The following SP100 variants were observed in gnomAD, a reference collection of about 807,000 sequenced individuals.
The protein encoded by SP100 is SP100 nuclear body protein.
A neutral mutation model predicts 130.0 loss-of-function variants in SP100; 84 were observed. The ratio of observed to expected loss-of-function variants is 0.65; its 90% CI spans 0.54 to 0.77. SP100 has a LOEUF of 0.77. Ranked by LOEUF, SP100 falls within the 30% of genes least tolerant of loss-of-function variation. SP100 has a pLI of 0.00. For missense variants in SP100, 978 were observed against 1,052.2 expected (o/e 0.93, Z 0.97); for synonymous variants, 331 against 351.7 (o/e 0.94, Z 0.66).
At chr2:230,484,828 C>A (rs890971794) in intron 17 of SP100, among the ~76,000 whole-genome samples, 1 of 152,006 alleles carries the variant, frequency 6.6e-6, no homozygotes, top group Non-Finnish European at 1.5e-5. Flanking sequence ...ATACAATCTG[C>A]TTTACTTTTT....
intron 2 of SP100, among the ~76,000 whole-genome samples, chr2:230,421,001 T>C (rs748242416): frequency 1.1e-4 from 17 of 152,230 alleles, no homozygotes; most frequent in Non-Finnish European, 2.1e-4. Context: ...CTGTCCATTC[T>C]CATAATACAT....
In SP100 at chr2:230,467,181, G is replaced by A. The variant is rs1050224; in HGVS notation, c.1257G>A (p.Ser419=). The A allele has an allele frequency of 0.73, 1,184,913 of 1,612,966 alleles. 438,729 individuals carry two copies. Among genetic ancestry groups the A allele is most frequent in the South Asian group, 0.83 (75,572 of 91,078 alleles). The change falls in exon 13 of 29, where the codon TCG becomes TCA. Residue 419 remains serine, a synonymous_variant. Coordinates refer to ENST00000340126, the MANE Select transcript of SP100 (RefSeq NM_001080391.2). ...AGGAGGAGGCGCCCGCAGAAGCCTC[G>A]AGCGGGGCACTGAGAAGCAAGCATG... ...SSEEEAPAEA[S]SGALRSKHGE...
chr2:230,521,875 A>G (rs1274557083), intron 24 of SP100, among the ~76,000 whole-genome samples: 2 of 152,202 alleles, frequency 1.3e-5, no homozygotes, highest in African/African-American at 2.4e-5. Context: ...CCACATCTGC[A>G]TCTGGATAGA....
intron 4 of SP100, among the ~76,000 whole-genome samples, 182 bp downstream of exon 4, chr2:230,444,528 C>T (rs1025588632): frequency 6.6e-6 from 1 of 152,114 alleles, no homozygotes; most frequent in African/African-American, 2.4e-5. Flanking sequence ...AACAAGTACC[C>T]GGAGGTCTGC....
intron 24 of SP100, among the ~76,000 whole-genome samples, chr2:230,532,458 T>C (rs183074726): frequency 6.6e-6 from 1 of 152,150 alleles, no homozygotes; most frequent in East Asian, 1.9e-4. Flanking sequence ...ATTATACTAA[T>C]TGGGATTTCT....
chr2:230,510,535 A>G (rs1690505044), intron 23 of SP100: 1 of 98,162 alleles, frequency 1.0e-5, no homozygotes, highest in Non-Finnish European at 1.8e-5. Context: ...TTTTTTTTAC[A>G]GAGTCTAGCT....
chr2:230,428,748 T>C (rs1453450437), intron 2 of SP100, among the ~76,000 whole-genome samples: 1 of 152,002 alleles, frequency 6.6e-6, no homozygotes, highest in Non-Finnish European at 1.5e-5. Context: ...GGCCGAGAAG[T>C]GCTACACACT....
intron 16 of SP100, 45 bp downstream of exon 16, chr2:230,473,485 A>G: frequency 8.7e-7 from 1 of 1,147,072 alleles, no homozygotes; most frequent in Non-Finnish European, 1.3e-6. Context: ...CTCAGTGGAT[A>G]TCACAGACAC....
At chr2:230,448,151 T>C (rs544154315) in intron 5 of SP100, among the ~76,000 whole-genome samples, 60 of 152,214 alleles carry the variant, frequency 3.9e-4, no homozygotes, top group African/African-American at 1.4e-3. Context: ...CAAATTTAAA[T>C]GTGAGGATGT....
At chr2:230,506,665 G>T (rs1277882881) in intron 22 of SP100, 1 of 441,168 alleles carries the variant, frequency 2.3e-6, no homozygotes, top group Non-Finnish European at 4.0e-6. Flanking sequence ...CCTTTTGAAG[G>T]TTGGACAGTA....
chr2:230,434,636 G>C (rs1236509488), intron 2 of SP100, among the ~76,000 whole-genome samples: 1 of 152,166 alleles, frequency 6.6e-6, no homozygotes, highest in Non-Finnish European at 1.5e-5. Context: ...GCTTGGGAGT[G>C]TGGGGGCAGG....
chr2:230,468,396 A>G (rs1294535970), intron 13 of SP100, among the ~76,000 whole-genome samples: 1 of 152,244 alleles, frequency 6.6e-6, no homozygotes, highest in Non-Finnish European at 1.5e-5. Context: ...ACAGCAAATT[A>G]TATAAATATT....
rs530032430 is a variant in SP100 at position 230,421,509 on chromosome 2, A to G, written c.107+3844A>G. Among the ~76,000 whole-genome samples the G allele has an allele frequency of 4.7e-5, 7 of 149,218 alleles. No homozygotes were observed. In the East Asian group the frequency reaches 1.4e-3, roughly 29 times the overall value. On this transcript the variant is annotated intron_variant, in intron 2 of 28. Transcript: ENST00000340126. ...AAGAGTTTATAGAAGATATACATAT[A>G]TATATATATATATCCTACCTTACTG... is the stretch of plus-strand genomic sequence containing the variant.
intron 3 of SP100, among the ~76,000 whole-genome samples, 165 bp from the exon 4 acceptor site, chr2:230,444,009 GACTT>G (rs1250262193): frequency 2.6e-5 from 4 of 152,132 alleles, no homozygotes; most frequent in African/African-American, 9.7e-5. Context: ...AAGGACAAGG[GACTT>G]ACTTCTTTCA....
chr2:230,420,371 CTTTTTCTTTCT>C (rs926083392), intron 2 of SP100, among the ~76,000 whole-genome samples: 5 of 152,044 alleles, frequency 3.3e-5, no homozygotes, highest in African/African-American at 9.7e-5. Flanking sequence ...GTATACTTTT[CTTTTTCTTTCT>C]TTTTTCTTTC....
intron 8 of SP100, among the ~76,000 whole-genome samples, chr2:230,455,276 C>A (rs892104646): frequency 8.5e-5 from 13 of 152,126 alleles, no homozygotes; most frequent in African/African-American, 3.1e-4. Context: ...GTTGCCCAGG[C>A]AGGTCTCAAA....
intron 17 of SP100, among the ~76,000 whole-genome samples, chr2:230,477,216 G>T (rs1176469250): frequency 6.6e-6 from 1 of 151,988 alleles, no homozygotes; most frequent in Non-Finnish European, 1.5e-5. Context: ...AATGAATATA[G>T]AACTCTTAAA....
intron 2 of SP100, among the ~76,000 whole-genome samples, chr2:230,431,530 C>A (rs186198249): frequency 8.1e-4 from 124 of 152,280 alleles, no homozygotes; most frequent in Admixed American, 2.4e-3. Context: ...ACAAAGGCAT[C>A]CTTGTCTATG....
At chr2:230,515,061 G>T (rs1264543207) in intron 24 of SP100, 17 of 1,609,762 alleles carry the variant, frequency 1.1e-5, no homozygotes, top group Non-Finnish European at 1.3e-5. Flanking sequence ...GAGGTGAAAT[G>T]TTATCATATG....
Sources: allele counts gnomAD v4.1 joint callset (sites outside exome capture counted in the v4.1 genomes callset), GRCh38; gene constraint gnomAD v4.1.1; transcripts MANE v1.5; gene names NCBI Gene and HGNC (gene_info 2026-07-23, HGNC 2026-07-21).